Variants in MACROH2A1 observed in about 807,000 individuals in gnomAD.
The protein encoded by MACROH2A1 is macroH2A.1 histone.
A neutral mutation model predicts 31.6 loss-of-function variants in MACROH2A1; 2 were observed. That is an observed-to-expected ratio of 0.06 (90% CI 0.03 to 0.20). The LOEUF is 0.20. Among genes scored for constraint, MACROH2A1 ranks in the 10% least tolerant of loss-of-function variants. The probability of loss-of-function intolerance (pLI) is 1.00; values close to 1 mark genes in which losing one functional copy is unlikely to be tolerated. For missense variants in MACROH2A1, 230 were observed against 474.0 expected, an observed-to-expected ratio of 0.49 and a Z score of 4.78; for synonymous variants, 169 against 189.6, an observed-to-expected ratio of 0.89 and a Z score of 0.89.
chr5:135,380,820 A>G (rs919271210), intron 2 of MACROH2A1, among the ~76,000 whole-genome samples: 4 of 152,372 alleles, frequency 2.6e-5, no homozygotes, highest in Admixed American at 6.5e-5. Context: ...AAAGAGATAT[A>G]TAACATATAT....
At chr5:135,395,147 T>C (rs1360895545) in intron 1 of MACROH2A1, among the ~76,000 whole-genome samples, 1 of 152,180 alleles carries the variant, frequency 6.6e-6, no homozygotes, top group Non-Finnish European at 1.5e-5. Flanking sequence ...ATGGTTCCAG[T>C]GACCTCTCCT....
chr5:135,349,781 T>A (rs73789315), intron 6 of MACROH2A1, among the ~76,000 whole-genome samples: 8,014 of 152,280 alleles, frequency 0.053, 267 homozygotes, highest in African/African-American at 0.084. Context: ...AAAAATTATA[T>A]ATACACATGA....
At chr5:135,377,855 T>C (rs1323540937) in intron 2 of MACROH2A1, among the ~76,000 whole-genome samples, 1 of 152,130 alleles carries the variant, frequency 6.6e-6, no homozygotes, top group Non-Finnish European at 1.5e-5. Context: ...ATCCTGCTTC[T>C]CCCAAAAAAT....
intron 7 of MACROH2A1, chr5:135,345,403 C>A (rs1052865258): frequency 6.6e-6 from 1 of 152,424 alleles, no homozygotes; most frequent in African/African-American, 2.4e-5. Context: ...ACTGGACTCT[C>A]AGGTCCTTAG....
At chr5:135,399,234 C>A (rs1313119423), upstream of MACROH2A1, 1 of 151,874 alleles carries the variant, frequency 6.6e-6, no homozygotes, top group East Asian at 1.9e-4. The surrounding 1 kb of genome is among the most constrained non-coding windows in gnomAD (Gnocchi z 4.5). Flanking sequence ...TGAACTGGAA[C>A]CAGTCCTCGC....
chr5:135,384,824 T>G (rs887888078), intron 2 of MACROH2A1, among the ~76,000 whole-genome samples: 2 of 152,020 alleles, frequency 1.3e-5, no homozygotes, highest in African/African-American at 4.8e-5. Context: ...TTTCACGGAG[T>G]ATAAAACTAT....
intron 6 of MACROH2A1, chr5:135,350,734 G>T: frequency 1.3e-6 from 1 of 769,464 alleles, no homozygotes; most frequent in Non-Finnish European, 2.3e-6. Context: ...AATGAATGCA[G>T]CCCTGCATAG....
chr5:135,382,213 T>G (rs1007868811), intron 2 of MACROH2A1, among the ~76,000 whole-genome samples: 6 of 152,070 alleles, frequency 3.9e-5, no homozygotes, highest in African/African-American at 1.2e-4. Context: ...TTTTGTGGTG[T>G]TGTGTGCTTG....
chr5:135,339,792 G>C (rs2149713152), intron 8 of MACROH2A1, among the ~76,000 whole-genome samples: 1 of 152,312 alleles, frequency 6.6e-6, no homozygotes, highest in East Asian at 1.9e-4. Context: ...ATACAGGAGG[G>C]AGAACATTCA....
intron 2 of MACROH2A1, among the ~76,000 whole-genome samples, chr5:135,371,108 A>G (rs1764121129): frequency 6.6e-6 from 1 of 152,256 alleles, no homozygotes; most frequent in African/African-American, 2.4e-5. Context: ...TTGCAACAAC[A>G]TGGATAAACC....
In MACROH2A1 at chr5:135,340,210, T is replaced by C. The variant is rs182339262; in HGVS notation, c.953+3050A>G. Reference sequence around the variant, plus strand: ...AAATTCTCACTCTACCAAGTACAAGTTGAGTGACCTCAGATGATTTACTTA... The same window carrying C: ...AAATTCTCACTCTACCAAGTACAAGCTGAGTGACCTCAGATGATTTACTTA... On this transcript the variant is annotated intron_variant, in intron 8 of 8. Coordinates refer to ENST00000511689, the MANE Select transcript of MACROH2A1 (RefSeq NM_138610.3). Among the ~76,000 whole-genome samples, 26 of 152,288 alleles carry C rather than the reference T, an allele frequency of 1.7e-4. No homozygotes were observed. In the East Asian group the frequency reaches 3.9e-3, roughly 23 times the overall value.
At chr5:135,387,054 G>T (rs943002069) in intron 2 of MACROH2A1, among the ~76,000 whole-genome samples, 7 of 152,348 alleles carry the variant, frequency 4.6e-5, no homozygotes, top group Admixed American at 4.6e-4. Context: ...GGGGTCCAGG[G>T]AAGTTAGGTG....
At chr5:135,351,131 A>G (rs2149770133) in intron 6 of MACROH2A1, 2 of 439,852 alleles carry the variant, frequency 4.5e-6, no homozygotes, top group Middle Eastern at 6.1e-4. Flanking sequence ...AAACATTTGA[A>G]TGAGAAGTCC....
intron 1 of MACROH2A1, among the ~76,000 whole-genome samples, chr5:135,392,341 C>G (rs1325093989): frequency 6.6e-6 from 1 of 152,220 alleles, no homozygotes; most frequent in Non-Finnish European, 1.5e-5. Context: ...ACCCTGCTGG[C>G]AGAAGAACAT....
Position 135,369,336 on chromosome 5 carries a change from G to C in MACROH2A1, c.477+70C>G. The C allele has an allele frequency of 8.0e-7, 1 of 1,249,378 alleles. No homozygotes were observed. The highest frequency in any genetic ancestry group is 1.2e-6 in the Non-Finnish European group (1 of 851,464). 77.4% of individuals were successfully genotyped at this position (1,249,378 alleles called of 1,614,324 possible). ...TGAGCCCACAGGGGGAATGAGGGGG[G>C]TGCCCTGGTAACCCTGTTTATCCGT... On this transcript the variant is annotated intron_variant, in intron 4 of 8. Coordinates refer to ENST00000511689, the MANE Select transcript of MACROH2A1 (RefSeq NM_138610.3). This position sits in a 1 kb window ranked among gnomAD's most constrained non-coding sequence, Gnocchi z 4.3.
intron 4 of MACROH2A1, chr5:135,360,878 A>C: frequency 1.7e-6 from 1 of 599,414 alleles, no homozygotes; most frequent in East Asian, 3.3e-5. Context: ...ATCATTTAGA[A>C]TAGAACCATT....
chr5:135,377,279 A>C (rs1489426925), intron 2 of MACROH2A1, among the ~76,000 whole-genome samples: 1 of 152,240 alleles, frequency 6.6e-6, no homozygotes, highest in Non-Finnish European at 1.5e-5. Context: ...CCTCTGACCC[A>C]CCAATCACTT....
intron 6 of MACROH2A1, among the ~76,000 whole-genome samples, chr5:135,349,418 T>A (rs1260747991): frequency 6.6e-6 from 1 of 152,188 alleles, no homozygotes; most frequent in African/African-American, 2.4e-5. Context: ...TTTAACTGCT[T>A]ACAGCCCGAT....
At chr5:135,357,765 T>C (rs973524946) in intron 5 of MACROH2A1, 11 of 984,294 alleles carry the variant, frequency 1.1e-5, no homozygotes, top group Middle Eastern at 1.0e-3. Flanking sequence ...AATTCAACAA[T>C]GTGTGTGAAC....
Sources: gnomAD v4.1 joint callset for allele counts (sites outside exome capture counted in the v4.1 genomes callset) on GRCh38, gnomAD v4.1.1 for gene constraint, Gnocchi (gnomAD v3.1) non-coding constraint, MANE v1.5 for transcripts, NCBI Gene and HGNC (gene_info 2026-07-23, HGNC 2026-07-21) for gene names.